Variants in SURF4 observed in about 807,000 individuals in gnomAD.
SURF4 encodes the protein surfeit locus protein 4.
In SURF4, 3 loss-of-function variants were observed where a neutral mutation model predicts 30.0. The ratio of observed to expected loss-of-function variants is 0.10; its 90% CI spans 0.05 to 0.26. SURF4 has a LOEUF of 0.26. SURF4 is among the 10% of genes least tolerant of loss of function. SURF4 has a pLI of 1.00. For missense variants in SURF4, 217 were observed against 350.8 expected (o/e 0.62, Z 3.05); for synonymous variants, 143 against 139.9 (o/e 1.02, Z -0.16).
At chr9:133,372,522 AG>A (rs1837564952) in intron 1 of SURF4, 4 of 876,868 alleles carry the variant, frequency 4.6e-6, no homozygotes, top group Non-Finnish European at 5.5e-6. Flanking sequence ...GACCCGGCCC[AG>A]TGAAAGACTT....
upstream of SURF4, chr9:133,376,497 C>A (rs952829768): frequency 1.3e-6 from 2 of 1,596,948 alleles, no homozygotes; most frequent in African/African-American, 1.3e-5. Context: ...GGTCCAATCG[C>A]AGGCGCCCCA....
intron 1 of SURF4, among the ~76,000 whole-genome samples, chr9:133,371,300 G>C (rs2130187810): frequency 6.6e-6 from 1 of 152,324 alleles, no homozygotes; most frequent in African/African-American, 2.4e-5. Flanking sequence ...AAGCACCTGC[G>C]GCCCAGCGGC....
At chr9:133,367,813 C>G (rs2130150499) in intron 1 of SURF4, among the ~76,000 whole-genome samples, 1 of 152,264 alleles carries the variant, frequency 6.6e-6, no homozygotes, top group Non-Finnish European at 1.5e-5. Context: ...CACAGAGCTG[C>G]TCTTTTCGGT....
chr9:133,377,075 C>T (rs2130252644), upstream of SURF4, among the ~76,000 whole-genome samples: 94 of 152,306 alleles, frequency 6.2e-4, 1 homozygote, highest in African/African-American at 2.2e-3. Context: ...GTGAAAAATG[C>T]ATTCGCTTGG....
Position 133,363,121 on chromosome 9 carries a change from A to C in SURF4, c.*372T>G, listed in dbSNP as rs1170685090. ...ACAAATAAGAGGGAGACTGCTTTGAATGATAATACCAATGCGTCTGCTCAC... is the reference window on the plus strand; with the variant it reads ...ACAAATAAGAGGGAGACTGCTTTGACTGATAATACCAATGCGTCTGCTCAC... On this transcript the variant is annotated 3_prime_UTR_variant, in exon 6 of 6. Coordinates refer to ENST00000371989, the MANE Select transcript of SURF4 (RefSeq NM_033161.4). The surrounding 1 kb of genome is among the most constrained non-coding windows in gnomAD (Gnocchi z 4.3). 2.2e-6 allele frequency: 1 copy of C among 454,558 alleles called. No individual in the cohort carries two copies. The highest frequency in any genetic ancestry group is 3.9e-5 in the Admixed American group (1 of 25,650). 28.2% of individuals were successfully genotyped at this position (454,558 alleles called of 1,614,324 possible). A position where few individuals can be genotyped will look rare whatever the true frequency, so the allele number is the denominator to read the frequency against.
chr9:133,363,294 C>T lies in SURF4; in HGVS notation c.*199G>A, dbSNP rs1401263856. 2.7e-5 allele frequency: 26 copies of T among 950,358 alleles called. No individual in the cohort carries two copies. The highest frequency in any genetic ancestry group is 1.3e-4 in the African/African-American group (8 of 61,626). The allele number at this position is 950,358 out of a possible 1,614,324, so 58.9% of individuals were successfully genotyped here. On this transcript the variant is annotated 3_prime_UTR_variant, in exon 6 of 6. Transcript: ENST00000371989. This position sits in a 1 kb window ranked among gnomAD's most constrained non-coding sequence, Gnocchi z 4.3. ...GGCTGGCCTGCACTGAAGGGTCAGACGCCAGACTGTGGCTCCAGAGCAGAC... is the reference window on the plus strand; with the variant it reads ...GGCTGGCCTGCACTGAAGGGTCAGATGCCAGACTGTGGCTCCAGAGCAGAC...
intron 1 of SURF4, among the ~76,000 whole-genome samples, chr9:133,368,666 G>A (rs1207882993): frequency 6.6e-6 from 1 of 152,226 alleles, no homozygotes. Flanking sequence ...TTCCTGCTGT[G>A]CTGTGAGTCA....
At chr9:133,365,116 A>AC (rs1837089183) in intron 4 of SURF4, 90 bp from the exon 5 acceptor site, 2 of 1,246,880 alleles carry the variant, frequency 1.6e-6, no homozygotes, top group African/African-American at 3.1e-5. Context: ...TGCTGCCAGT[A>AC]TAAGAAGGCC....
Position 133,363,167 on chromosome 9 carries a change from T to C in SURF4, c.*326A>G. On this transcript the variant is annotated 3_prime_UTR_variant, in exon 6 of 6. Transcript: ENST00000371989. This position sits in a 1 kb window ranked among gnomAD's most constrained non-coding sequence, Gnocchi z 4.3. ...CTCACAGTACAGCTTGAAGGCCCCC[T>C]CCTGTACCCCCACAAAAAAACTCAA... is the stretch of plus-strand genomic sequence containing the variant. 1.7e-6 allele frequency: 1 copy of C among 576,000 alleles called. No homozygotes were observed. Among genetic ancestry groups the C allele is most frequent in the East Asian group, 3.0e-5 (1 of 33,890 alleles). 35.7% of individuals were successfully genotyped at this position (576,000 alleles called of 1,614,324 possible). A position where few individuals can be genotyped will look rare whatever the true frequency, so the allele number is the denominator to read the frequency against.
chr9:133,371,579 C>T (rs2130190450), intron 1 of SURF4, among the ~76,000 whole-genome samples: 12 of 152,242 alleles, frequency 7.9e-5, no homozygotes, highest in Admixed American at 3.3e-4. Flanking sequence ...ACCTCCTCTG[C>T]TCCTCGCCCG....
chr9:133,376,742 A>G (rs1432997369), upstream of SURF4, among the ~76,000 whole-genome samples: 1 of 152,122 alleles, frequency 6.6e-6, no homozygotes, highest in Non-Finnish European at 1.5e-5. Context: ...GCCCTTTGCC[A>G]CTCAGTTTCC....
intron 1 of SURF4, chr9:133,370,856 G>A: frequency 7.8e-7 from 1 of 1,289,002 alleles, no homozygotes; most frequent in Non-Finnish European, 1.0e-6. Context: ...GCTGCAGGAA[G>A]AAGATGACAG....
At chr9:133,367,153 G>C (rs1266337507) in intron 2 of SURF4, 106 bp downstream of exon 2, 2 of 1,385,140 alleles carry the variant, frequency 1.4e-6, no homozygotes, top group Admixed American at 2.2e-5. Context: ...GAATGGAGGG[G>C]GGACAGCAGT....
At chr9:133,376,399 A>C, upstream of SURF4, 1 of 1,450,886 alleles carries the variant, frequency 6.9e-7, no homozygotes, top group African/African-American at 1.5e-5. Flanking sequence ...GGCGGGGAGG[A>C]TCCCGCGGGT....
chr9:133,366,089 C>T, intron 3 of SURF4, 61 bp from the exon 4 acceptor site: 2 of 1,515,664 alleles, frequency 1.3e-6, no homozygotes, highest in Non-Finnish European at 1.8e-6. Flanking sequence ...TTTCCACAGA[C>T]TTCATAATAC....
At chr9:133,366,953 G>C (rs1837210806) in intron 2 of SURF4, among the ~76,000 whole-genome samples, 1 of 152,192 alleles carries the variant, frequency 6.6e-6, no homozygotes, top group African/African-American at 2.4e-5. Flanking sequence ...CCTGAGGTAG[G>C]CAATTAACTG....
rs941172016 is a variant in SURF4, at chr9:133,362,048, G to A, written c.*1445C>T. 2 of 152,216 alleles carry A rather than the reference G, an allele frequency of 1.3e-5. No individual in the cohort carries two copies. Among genetic ancestry groups the A allele is most frequent in the Non-Finnish European group, 2.9e-5 (2 of 68,054 alleles). 9.4% of individuals were successfully genotyped at this position (152,216 alleles called of 1,614,324 possible). A position where few individuals can be genotyped will look rare whatever the true frequency, so the allele number is the denominator to read the frequency against. Reference sequence around the variant, plus strand: ...GGCTACCAGGGGAATATTTGCAAACGCGTTGGGACTAGTTCGGCTGTGTTA... The same window carrying A: ...GGCTACCAGGGGAATATTTGCAAACACGTTGGGACTAGTTCGGCTGTGTTA... On this transcript the variant is annotated 3_prime_UTR_variant, in exon 6 of 6. Coordinates refer to ENST00000371989, the MANE Select transcript of SURF4 (RefSeq NM_033161.4).
chr9:133,364,646 C>T (rs1837049934), intron 5 of SURF4, among the ~76,000 whole-genome samples, 194 bp downstream of exon 5: 1 of 150,562 alleles, frequency 6.6e-6, no homozygotes, highest in Non-Finnish European at 1.5e-5. Context: ...GAGCCGAGAT[C>T]ACGCACTGCA....
intron 1 of SURF4, among the ~76,000 whole-genome samples, chr9:133,371,968 C>G (rs2130193406): frequency 7.2e-5 from 11 of 152,250 alleles, no homozygotes; most frequent in Non-Finnish European, 1.6e-4. Context: ...GATGAGCCAC[C>G]AGGCAGAACC....
Sources: gnomAD v4.1 joint callset for allele counts (sites outside exome capture counted in the v4.1 genomes callset) on GRCh38, gnomAD v4.1.1 for gene constraint, Gnocchi (gnomAD v3.1) non-coding constraint, MANE v1.5 for transcripts, NCBI Gene and HGNC (gene_info 2026-07-23, HGNC 2026-07-21) for gene names.